Variants in POU2F1 observed in about 807,000 individuals in gnomAD.
POU2F1 encodes the protein POU class 2 homeobox 1.
In POU2F1, 16 loss-of-function variants were observed where a neutral mutation model predicts 84.9. The ratio of observed to expected loss-of-function variants is 0.19; its 90% CI spans 0.13 to 0.29. The LOEUF (loss-of-function observed/expected upper bound fraction) is 0.29. Ranked by LOEUF, POU2F1 falls within the 10% of genes least tolerant of loss-of-function variation. The pLI is 1.00. For missense variants in POU2F1, 738 were observed against 942.6 expected (o/e 0.78, Z 2.84); for synonymous variants, 368 against 368.3 (o/e 1.00, Z 0.01).
intron 1 of POU2F1, among the ~76,000 whole-genome samples, chr1:167,294,217 CGGGCACCTGT>C: frequency 6.8e-6 from 1 of 146,738 alleles, no homozygotes; most frequent in Non-Finnish European, 1.5e-5. Flanking sequence ...GGTGTGGTGG[CGGGCACCTGT>C]GGTCCCAGCT....
At chr1:167,285,729 C>G (rs182282211) in intron 1 of POU2F1, among the ~76,000 whole-genome samples, 1 of 152,130 alleles carries the variant, frequency 6.6e-6, no homozygotes. Flanking sequence ...GGCTAGTGCT[C>G]ATTTATCAGT....
intron 2 of POU2F1, among the ~76,000 whole-genome samples, chr1:167,359,063 T>C (rs971678205): frequency 1.8e-4 from 28 of 152,002 alleles, no homozygotes; most frequent in African/African-American, 6.8e-4. Context: ...TTTCCCTCTA[T>C]TTTCTTTGGA....
chr1:167,267,748 T>G (rs963828731), intron 1 of POU2F1, among the ~76,000 whole-genome samples: 9 of 145,414 alleles, frequency 6.2e-5, no homozygotes, highest in African/African-American at 2.3e-4. Context: ...TTCATGCCAT[T>G]CTCCTGCTTC....
intron 8 of POU2F1, among the ~76,000 whole-genome samples, chr1:167,388,186 A>G (rs1190495143): frequency 6.6e-6 from 1 of 152,238 alleles, no homozygotes; most frequent in Non-Finnish European, 1.5e-5. Flanking sequence ...ACGTAAATCC[A>G]ATTCACATTC....
intron 1 of POU2F1, among the ~76,000 whole-genome samples, chr1:167,266,817 T>C (rs1037862485): frequency 6.6e-6 from 1 of 151,996 alleles, no homozygotes; most frequent in Non-Finnish European, 1.5e-5. Flanking sequence ...AGAGATGGGG[T>C]TATATCGTGT....
At chr1:167,359,163 G>A (rs1659180035) in intron 2 of POU2F1, among the ~76,000 whole-genome samples, 1 of 149,834 alleles carries the variant, frequency 6.7e-6, no homozygotes, top group African/African-American at 2.5e-5. Flanking sequence ...TCTCATCCCT[G>A]GCTCCTGAAA....
chr1:167,407,486 A>G (rs6660555), intron 13 of POU2F1, among the ~76,000 whole-genome samples: 112,475 of 152,178 alleles, frequency 0.74, 41,720 homozygotes, highest in East Asian at 0.87. Flanking sequence ...TTCATGTCCT[A>G]ATTTCAAAGT....
intron 13 of POU2F1, among the ~76,000 whole-genome samples, chr1:167,411,288 T>G (rs12758167): frequency 0.015 from 2,226 of 152,280 alleles, 21 homozygotes; most frequent in South Asian, 0.026. Context: ...TCTGCCCACC[T>G]CAGCCTCCCA....
In POU2F1 at chr1:167,420,832, G is replaced by A. The variant is rs548243510; in HGVS notation, c.*5022G>A. The A allele has an allele frequency of 6.6e-6, 1 of 152,278 alleles. No individual in the cohort carries two copies. Among genetic ancestry groups the A allele is most frequent in the Non-Finnish European group, 1.5e-5 (1 of 68,020 alleles). 9.4% of individuals were successfully genotyped at this position (152,278 alleles called of 1,614,324 possible). On this transcript the variant is annotated 3_prime_UTR_variant, in exon 16 of 16. Coordinates refer to ENST00000367866, the MANE Select transcript of POU2F1 (RefSeq NM_002697.4). ...GAAGACCAGTCTGCAGTTTGAGGAA[G>A]GGCCCCAACAATTCATTTGGAGAGC...
At chr1:167,390,098 C>A (rs1225413154) in intron 9 of POU2F1, among the ~76,000 whole-genome samples, 1 of 152,118 alleles carries the variant, frequency 6.6e-6, no homozygotes, top group Non-Finnish European at 1.5e-5. Flanking sequence ...ATTTTGGTAT[C>A]CAAGGGAGGT....
At chr1:167,236,757 A>C (rs1416826423) in intron 1 of POU2F1, among the ~76,000 whole-genome samples, 1 of 152,202 alleles carries the variant, frequency 6.6e-6, no homozygotes, top group Non-Finnish European at 1.5e-5. Flanking sequence ...GGGATGGGTC[A>C]GCTGTGGCAC....
intron 1 of POU2F1, among the ~76,000 whole-genome samples, chr1:167,255,309 G>A (rs372900862): frequency 1.1e-3 from 164 of 152,280 alleles, no homozygotes; most frequent in African/African-American, 3.5e-3. Context: ...GCTGAATCTT[G>A]TTCTCCTAAG....
Position 167,412,959 on chromosome 1 carries a change from T to G in POU2F1, c.1902-67T>G, listed in dbSNP as rs145204312. 164 of 1,315,348 alleles carry G rather than the reference T, an allele frequency of 1.2e-4. 1 individual carries two copies. The African/African-American group carries it at 2.2e-3, about 17-fold the overall frequency. The allele number at this position is 1,315,348 out of a possible 1,614,324, so 81.5% of individuals were successfully genotyped here. ...GGATTTTCGTTTTGTAAGTTCCTTTTGGTGTGTTGTCAAAATGAGACCTGC... is the reference window on the plus strand; with the variant it reads ...GGATTTTCGTTTTGTAAGTTCCTTTGGGTGTGTTGTCAAAATGAGACCTGC... On this transcript the variant is annotated intron_variant, in intron 14 of 15. Coordinates refer to ENST00000367866, the MANE Select transcript of POU2F1 (RefSeq NM_002697.4).
chr1:167,279,351 T>C (rs1652957831), intron 1 of POU2F1, among the ~76,000 whole-genome samples: 1 of 152,192 alleles, frequency 6.6e-6, no homozygotes, highest in South Asian at 2.1e-4. Context: ...AAAAAGATCA[T>C]TTTTCTTATT....
intron 2 of POU2F1, among the ~76,000 whole-genome samples, chr1:167,356,338 C>A (rs1417052865): frequency 6.6e-6 from 1 of 151,722 alleles, no homozygotes; most frequent in Non-Finnish European, 1.5e-5. Context: ...TGTGCTGCAT[C>A]CTCATTAAAC....
At chr1:167,266,938 G>C (rs1345375440) in intron 1 of POU2F1, among the ~76,000 whole-genome samples, 1 of 151,952 alleles carries the variant, frequency 6.6e-6, no homozygotes, top group Middle Eastern at 3.2e-3. Context: ...ATTTCACTTA[G>C]GAATTCTGTC....
chr1:167,317,307 C>G (rs1450292398), intron 1 of POU2F1, among the ~76,000 whole-genome samples: 1 of 152,144 alleles, frequency 6.6e-6, no homozygotes, highest in Non-Finnish European at 1.5e-5. Flanking sequence ...GTCATTACAC[C>G]TTTTGGTGAT....
intron 1 of POU2F1, among the ~76,000 whole-genome samples, chr1:167,254,782 T>C (rs11578056): frequency 0.038 from 5,723 of 152,312 alleles, 142 homozygotes; most frequent in Non-Finnish European, 0.056. Context: ...TGAAAAAATA[T>C]TTAGCTAGAA....
intron 1 of POU2F1, among the ~76,000 whole-genome samples, chr1:167,323,407 T>C (rs1304761577): frequency 4.6e-5 from 7 of 152,196 alleles, no homozygotes; most frequent in Non-Finnish European, 1.0e-4. Context: ...GCTATGTATA[T>C]AGCTGTAAAA....
Sources: allele counts gnomAD v4.1 joint callset (sites outside exome capture counted in the v4.1 genomes callset), GRCh38; gene constraint gnomAD v4.1.1; transcripts MANE v1.5; gene names NCBI Gene and HGNC (gene_info 2026-07-23, HGNC 2026-07-21).